TVP23A: variants seen among roughly 807,000 people sequenced by gnomAD.
The protein encoded by TVP23A is Golgi apparatus membrane protein TVP23 homolog A.
TVP23A carries 21 observed loss-of-function variants against 31.7 expected under a neutral mutation model. The ratio of observed to expected loss-of-function variants is 0.66; its 90% CI spans 0.47 to 0.95. The LOEUF (loss-of-function observed/expected upper bound fraction) is 0.95, where lower values mean the gene tolerates loss of function less well. Ranked by LOEUF, TVP23A falls within the 40% of genes least tolerant of loss-of-function variation. TVP23A has a pLI of 0.00. For synonymous variants in TVP23A, 104 were observed against 96.0 expected, an observed-to-expected ratio of 1.08 and a Z score of -0.49; for missense variants, 279 against 255.6, an observed-to-expected ratio of 1.09 and a Z score of -0.62.
chr16:10,802,274 GTGTGTGTGTGTATA>G (rs1202494857), intron 2 of TVP23A, among the ~76,000 whole-genome samples: 41 of 125,706 alleles, frequency 3.3e-4, no homozygotes, highest in African/African-American at 1.1e-3. Context: ...GTGTGTGTGT[GTGTGTGTGTGTATA>G]TGTGTGTGTG....
In TVP23A at chr16:10,771,784, A is replaced by G. The variant is rs919141393; in HGVS notation, c.468T>C (p.Ala156=). ...GGTTTGCAGCTTGGAGAGAGATCCC[A>G]GCAACCACCAGAGCCTGCACTCAGA... ...LKLKWLALVV[A]GISLQAANLY... is the part of the protein sequence containing the mutation. Residue 156 remains alanine (A), a synonymous_variant, in exon 6 of 8, where the codon GCT becomes GCC. Coordinates refer to ENST00000299866, the MANE Select transcript of TVP23A (RefSeq NM_001079512.4). The G allele has an allele frequency of 6.3e-7, 1 of 1,578,040 alleles. No individual in the cohort carries two copies. The highest frequency in any genetic ancestry group is 1.7e-4 in the Middle Eastern group (1 of 6,008).
intron 2 of TVP23A, among the ~76,000 whole-genome samples, chr16:10,805,992 G>C (rs1239128666): frequency 6.6e-6 from 1 of 152,140 alleles, no homozygotes; most frequent in Admixed American, 6.5e-5. Flanking sequence ...TGATACACAG[G>C]ACAGATAATG....
chr16:10,782,826 C>A (rs1196151493), intron 2 of TVP23A, among the ~76,000 whole-genome samples: 1 of 152,132 alleles, frequency 6.6e-6, no homozygotes, highest in East Asian at 1.9e-4. Flanking sequence ...TTTACTGGAA[C>A]ACAGTCACAC....
In TVP23A at chr16:10,771,527, C is replaced by G. The variant is rs56404344; in HGVS notation, c.582+143G>C. ...TCTAGCCTGGGTGACAGAGCGAGAT[C>G]CTGTCTCCCAAAAAATATATAAACA... On this transcript the variant is annotated intron_variant, in intron 6 of 7. Coordinates refer to ENST00000299866, the MANE Select transcript of TVP23A (RefSeq NM_001079512.4). 8,822 of 1,103,954 alleles carry G rather than the reference C, an allele frequency of 8.0e-3. 129 individuals carry two copies. Among genetic ancestry groups the G allele is most frequent in the African/African-American group, 0.055 (3,542 of 64,018 alleles). The allele number at this position is 1,103,954 out of a possible 1,614,324, so 68.4% of individuals were successfully genotyped here. A position where few individuals can be genotyped will look rare whatever the true frequency, so the allele number is the denominator to read the frequency against.
At chr16:10,816,310 GCAGATGTAATTTAATTATTTAATTAAGAA>G (rs1415631773) in intron 2 of TVP23A, among the ~76,000 whole-genome samples, 241 of 139,492 alleles carry the variant, frequency 1.7e-3, no homozygotes, top group African/African-American at 7.7e-3. Context: ...AAGGGACTTT[GCAGATGTAATTTAATTATTTAATTAAGAA>G]TTTTTTTTTT....
Position 10,797,110 on chromosome 16 carries a change from G to C in TVP23A, c.89+20993C>G, listed in dbSNP as rs76918250. 9.3e-3 allele frequency among the ~76,000 whole-genome samples: 1,416 copies of C among 151,720 alleles called. 26 individuals carry two copies. Among genetic ancestry groups the C allele is most frequent in the African/African-American group, 0.032 (1,338 of 41,288 alleles). ...AGGCTAAAGTGGGAGGCTCACTTGAGCAGGGGAGGTCGAGGCTATAATGAG... is the reference window on the plus strand; with the variant it reads ...AGGCTAAAGTGGGAGGCTCACTTGACCAGGGGAGGTCGAGGCTATAATGAG... On this transcript the variant is annotated intron_variant, in intron 2 of 7. Transcript: ENST00000299866.
At position 10,775,105 on chromosome 16, in the gene TVP23A, G is replaced by C; in HGVS notation, c.90-9C>G. 2 of 1,602,678 alleles carry C rather than the reference G, an allele frequency of 1.2e-6. No individual in the cohort carries two copies. Among genetic ancestry groups the C allele is most frequent in the Non-Finnish European group, 1.7e-6 (2 of 1,174,918 alleles). ...AGGTGGCCAAGGGGTGTCTAGGAAA[G>C]GACCCAGAAGGCGCCCTCACTCCAA... On this transcript the variant is annotated splice_polypyrimidine_tract_variant and intron_variant, in intron 2 of 7. Transcript: ENST00000299866.
chr16:10,762,751 G>T (rs1256854789), downstream of TVP23A, among the ~76,000 whole-genome samples: 1 of 151,262 alleles, frequency 6.6e-6, no homozygotes, highest in Non-Finnish European at 1.5e-5. Flanking sequence ...TCTGTGCCGG[G>T]ACAGGAGAGA....
chr16:10,767,364 T>TA lies in TVP23A; in HGVS notation c.*1737dup, dbSNP rs1185332441. ...TGGCGGGGAAAGACTAGCAGACTGA[T>TA]AGACACCAGCACAGATGACCTGGAA... On this transcript the variant is annotated 3_prime_UTR_variant, in exon 8 of 8. Coordinates refer to ENST00000299866, the MANE Select transcript of TVP23A (RefSeq NM_001079512.4). The surrounding 1 kb of genome is among the most constrained non-coding windows in gnomAD (Gnocchi z 4.6). 2.0e-5 allele frequency: 8 copies of TA among 399,790 alleles called. No homozygotes were observed. Among genetic ancestry groups the TA allele is most frequent in the East Asian group, 3.6e-5 (1 of 28,114 alleles). The allele number at this position is 399,790 out of a possible 1,614,324, so 24.8% of individuals were successfully genotyped here.
At chr16:10,760,439 G>A (rs757279623), downstream of TVP23A, among the ~76,000 whole-genome samples, 2 of 152,230 alleles carry the variant, frequency 1.3e-5, no homozygotes, top group African/African-American at 2.4e-5. Context: ...CATGGAGCAT[G>A]TAGATGCGTT....
downstream of TVP23A, chr16:10,761,998 C>A (rs2142759642): frequency 6.3e-6 from 4 of 639,166 alleles, no homozygotes; most frequent in Admixed American, 1.2e-4. Flanking sequence ...GACCCACCCT[C>A]CAGCTGGCAC....
chr16:10,806,203 C>A (rs2033936339), intron 2 of TVP23A, among the ~76,000 whole-genome samples: 1 of 152,126 alleles, frequency 6.6e-6, no homozygotes, highest in Non-Finnish European at 1.5e-5. Flanking sequence ...TGTAGCCAGG[C>A]ATGGTGATAC....
Position 10,766,974 on chromosome 16 carries a change from C to T in TVP23A, c.*2128G>A. 1 of 398,818 alleles carries T rather than the reference C, an allele frequency of 2.5e-6. No individual in the cohort carries two copies. Among genetic ancestry groups the T allele is most frequent in the South Asian group, 1.3e-4 (1 of 7,864 alleles). The allele number at this position is 398,818 out of a possible 1,614,324, so 24.7% of individuals were successfully genotyped here. ...CTGGGCCATATGGGCTCCCCATCTC[C>T]CACCAACCCCTCCCCACAGGCTTCT... On this transcript the variant is annotated 3_prime_UTR_variant, in exon 8 of 8. Coordinates refer to ENST00000299866, the MANE Select transcript of TVP23A (RefSeq NM_001079512.4). This position sits in a 1 kb window ranked among gnomAD's most constrained non-coding sequence, Gnocchi z 4.8.
At position 10,777,062 on chromosome 16, in the gene TVP23A, A is replaced by G. The variant is rs2032078327; in HGVS notation, c.90-1966T>C. On this transcript the variant is annotated intron_variant, in intron 2 of 7. Coordinates refer to ENST00000299866, the MANE Select transcript of TVP23A (RefSeq NM_001079512.4). The surrounding 1 kb of genome is among the most constrained non-coding windows in gnomAD (Gnocchi z 4.5). ...CCTTAACCGTCCAGGAATGCAGCCC[A>G]GTAGGTCTCAGCCTCGTTTTACCCA... Among the ~76,000 whole-genome samples the G allele has an allele frequency of 1.3e-5, 2 of 152,136 alleles. No individual in the cohort carries two copies. Among genetic ancestry groups the G allele is most frequent in the Admixed American group, 1.3e-4 (2 of 15,270 alleles).
At chr16:10,796,838 G>C (rs1179310710) in intron 2 of TVP23A, among the ~76,000 whole-genome samples, 1 of 152,178 alleles carries the variant, frequency 6.6e-6, no homozygotes, top group Non-Finnish European at 1.5e-5. Flanking sequence ...ATAAAGTTAT[G>C]AGACAATCAA....
rs550036339 is a variant in TVP23A, at chr16:10,797,026, C to CA, written c.89+21076dup. Among the ~76,000 whole-genome samples the CA allele has an allele frequency of 6.6e-3, 985 of 149,310 alleles. 5 individuals are homozygous for CA. The highest frequency in any genetic ancestry group is 0.017 in the Middle Eastern group (5 of 294). ...GCAACATAGTGAGAGCTCATCTCTA[C>CA]AAAAAATCAAACAATTAGCCAGGCG... is the stretch of plus-strand genomic sequence containing the variant. On this transcript the variant is annotated intron_variant, in intron 2 of 7. Coordinates refer to ENST00000299866, the MANE Select transcript of TVP23A (RefSeq NM_001079512.4).
exon 9 of TVP23A, chr16:10,761,463 C>T: frequency 6.2e-7 from 1 of 1,613,864 alleles, no homozygotes; most frequent in Non-Finnish European, 8.5e-7. Context: ...CTTCATCTGT[C>T]CTAAGTGCAA....
chr16:10,776,096 C>A (rs2142906373), intron 2 of TVP23A, among the ~76,000 whole-genome samples: 1 of 151,580 alleles, frequency 6.6e-6, no homozygotes, highest in South Asian at 2.1e-4. Flanking sequence ...TGATATAGGC[C>A]AGGCACGGTG....
chr16:10,793,610 A>T (rs1170496954), intron 2 of TVP23A, among the ~76,000 whole-genome samples: 2 of 152,048 alleles, frequency 1.3e-5, no homozygotes, highest in African/African-American at 4.8e-5. Flanking sequence ...AGAAATATTT[A>T]TTTGGCTAGG....
Sources: allele counts gnomAD v4.1 joint callset (sites outside exome capture counted in the v4.1 genomes callset), GRCh38; gene constraint gnomAD v4.1.1; non-coding constraint Gnocchi (gnomAD v3.1); transcripts MANE v1.5; gene names NCBI Gene and HGNC (gene_info 2026-07-23, HGNC 2026-07-21).